UVSSA: variants seen among roughly 807,000 people sequenced by gnomAD.
UVSSA encodes the protein UV-stimulated scaffold protein A.
A neutral mutation model predicts 73.9 loss-of-function variants in UVSSA; 72 were observed. The ratio of observed to expected loss-of-function variants is 0.97; its 90% CI spans 0.81 to 1.19. The LOEUF (loss-of-function observed/expected upper bound fraction) is 1.19. Ranked by LOEUF, UVSSA falls within the 50% of genes most tolerant of loss-of-function variation. UVSSA has a pLI of 0.00. For synonymous variants in UVSSA, 454 were observed against 391.3 expected (o/e 1.16, Z -1.89); for missense variants, 1,150 against 965.0 (o/e 1.19, Z -2.54).
At chr4:1,394,937 A>C in exon 14 of UVSSA, 1 of 1,398,836 alleles carries the variant, frequency 7.1e-7, no homozygotes, top group East Asian at 2.7e-5. Context: ...ACACGTGCCC[A>C]TGCGGAGTGC....
chr4:1,349,578 C>G lies in UVSSA; in HGVS notation c.153C>G (p.Thr51=). Residue 51 remains threonine, a synonymous_variant, in exon 3 of 14, where the codon ACC becomes ACG. Transcript: ENST00000389851. ...ACCGCCTGCTGATAGCACAGCTGACCCAGGAGCACGCCGAGATCCGTCTCT... is the reference window on the plus strand; with the variant it reads ...ACCGCCTGCTGATAGCACAGCTGACGCAGGAGCACGCCGAGATCCGTCTCT... ...RAYRLLIAQL[T]QEHAEIRLSA... is the part of the protein sequence containing the mutation. The G allele has an allele frequency of 6.2e-7, 1 of 1,614,026 alleles. No homozygotes were observed. Among genetic ancestry groups the G allele is most frequent in the Non-Finnish European group, 8.5e-7 (1 of 1,180,016 alleles).
At chr4:1,354,638 C>A in intron 5 of UVSSA, 97 bp from the exon 6 acceptor site, 2 of 1,084,688 alleles carry the variant, frequency 1.8e-6, no homozygotes, top group Non-Finnish European at 2.7e-6. Flanking sequence ...AGGTTCCCCT[C>A]AGGCTAGAGC....
downstream of UVSSA, chr4:1,390,355 G>C (rs1369724603): frequency 6.6e-6 from 1 of 152,164 alleles, no homozygotes; most frequent in Admixed American, 6.5e-5. Context: ...CTGGAGTGCA[G>C]TGCAGTGATC....
At chr4:1,346,665 A>T (rs546584030), upstream of UVSSA, among the ~76,000 whole-genome samples, 3 of 151,856 alleles carry the variant, frequency 2.0e-5, no homozygotes, top group African/African-American at 7.3e-5. Context: ...GCGCGGGGCG[A>T]GCTCGGGGGC....
chr4:1,394,480 C>T (rs956026402), exon 14 of UVSSA: 2 of 1,611,028 alleles, frequency 1.2e-6, no homozygotes, highest in Admixed American at 3.3e-5. Context: ...TTTTAAATTT[C>T]AAATAGCTGT....
rs1560413829 is a variant in UVSSA at position 1,348,077 on chromosome 4, T to A, written c.-2-13T>A. ...AGATGGTGATATAGCATCTCTGCCT[T>A]ACTTATTTCTAGATATGGATCAGAA... is the stretch of plus-strand genomic sequence containing the variant. On this transcript the variant is annotated splice_polypyrimidine_tract_variant and intron_variant, in intron 1 of 13. Coordinates refer to ENST00000389851, the MANE Select transcript of UVSSA (RefSeq NM_020894.4). 1 of 1,597,116 alleles carries A rather than the reference T, an allele frequency of 6.3e-7. No homozygotes were observed. The highest frequency in any genetic ancestry group is 1.1e-5 in the South Asian group (1 of 90,692).
chr4:1,348,786 C>T (rs995922143), intron 2 of UVSSA, among the ~76,000 whole-genome samples: 6 of 152,204 alleles, frequency 3.9e-5, no homozygotes, highest in Admixed American at 6.5e-5. Flanking sequence ...TAGAAAATTT[C>T]AGGTCAGGTT....
chr4:1,394,283 A>T, exon 14 of UVSSA: 1 of 815,738 alleles, frequency 1.2e-6, no homozygotes, highest in Non-Finnish European at 1.9e-6. Context: ...TGAGTTATGT[A>T]GTTGAATTAT....
rs201486316 is a variant in UVSSA, at chr4:1,349,774, G to A, written c.349G>A (p.Val117Met). 87 of 1,606,084 alleles carry A rather than the reference G, an allele frequency of 5.4e-5. No homozygotes were observed. In the East Asian group the frequency reaches 1.0e-3, roughly 19 times the overall value. ...QRLRQATTRAVEGWNEKFGEA... is the reference protein window; with the variant it reads ...QRLRQATTRAMEGWNEKFGEA... The stretch of plus-strand genomic sequence containing the variant: ...GCTGAGGCAGGCGACCACCCGGGCC[G>A]TGGAAGGGTGGAATGAGAAGTTTGG... The change falls in exon 3 of 14, where the codon GTG becomes ATG. Residue 117 changes from valine to methionine, a missense_variant. Val to Met is a conservative substitution (Grantham distance 21). Transcript: ENST00000389851.
chr4:1,351,924 C>T (rs143574112), intron 4 of UVSSA, 89 bp downstream of exon 4: 24 of 1,551,174 alleles, frequency 1.5e-5, no homozygotes, highest in Middle Eastern at 2.2e-4. Flanking sequence ...GGGCCCCAGC[C>T]GCAAGGAACC....
At position 1,348,144 on chromosome 4, in the gene UVSSA, C is replaced by A. The variant is rs960368034; in HGVS notation, c.53C>A (p.Pro18His). The change falls in exon 2 of 14, where the codon CCC becomes CAC. Residue 18 changes from proline to histidine, a missense_variant. Pro to His is a moderately conservative substitution (Grantham distance 77). Coordinates refer to ENST00000389851, the MANE Select transcript of UVSSA (RefSeq NM_020894.4). ...GAAGAGCTCACAACTTCAGGAGAAC[C>A]CCGACTAAATCCTGAGAAAATGAAG... Reference protein sequence around the residue: ...LVEELTTSGEPRLNPEKMKEL... With the variant: ...LVEELTTSGEHRLNPEKMKEL... 5 of 1,613,714 alleles carry A rather than the reference C, an allele frequency of 3.1e-6. No individual in the cohort carries two copies. The highest frequency in any genetic ancestry group is 4.2e-6 in the Non-Finnish European group (5 of 1,179,988).
chr4:1,372,271 G>A (rs1171802641), intron 8 of UVSSA, among the ~76,000 whole-genome samples: 2 of 152,136 alleles, frequency 1.3e-5, no homozygotes, highest in African/African-American at 4.8e-5. Context: ...CTGTTAATCT[G>A]AATCTGTTTA....
intron 7 of UVSSA, among the ~76,000 whole-genome samples, chr4:1,355,735 G>T (rs1483049246): frequency 6.6e-6 from 1 of 152,182 alleles, no homozygotes; most frequent in African/African-American, 2.4e-5. Flanking sequence ...GGTCATGGGG[G>T]CACTGCACTT....
chr4:1,394,651 A>G lies in UVSSA; in HGVS notation c.*8690A>G, dbSNP rs1393346467. 1.7e-5 allele frequency: 25 copies of G among 1,506,662 alleles called. No individual in the cohort carries two copies. The highest frequency in any genetic ancestry group is 2.2e-5 in the Non-Finnish European group (25 of 1,117,032). 93.3% of individuals were successfully genotyped at this position (1,506,662 alleles called of 1,614,324 possible). A position where few individuals can be genotyped will look rare whatever the true frequency, so the allele number is the denominator to read the frequency against. On this transcript the variant is annotated 3_prime_UTR_variant, in exon 14 of 14. Coordinates refer to the UVSSA transcript ENST00000511216. ...CGATGCGGAGTGCCCGCCTGCTCAC[A>G]CATGCCCATGTGGAGTGCCCGCCTG...
intron 4 of UVSSA, among the ~76,000 whole-genome samples, chr4:1,352,334 C>T (rs891633801): frequency 6.6e-6 from 1 of 152,234 alleles, no homozygotes; most frequent in African/African-American, 2.4e-5. Context: ...ACTACATGTA[C>T]CCCAGATCCT....
chr4:1,385,067 G>A (rs1719931357), intron 13 of UVSSA: 1 of 152,328 alleles, frequency 6.6e-6, no homozygotes, highest in Non-Finnish European at 1.5e-5. Context: ...CAGCCTTGGT[G>A]CTGATGCCCA....
chr4:1,366,237 G>A (rs1300104005), intron 7 of UVSSA, 83 bp from the exon 8 acceptor site: 5 of 1,099,492 alleles, frequency 4.5e-6, no homozygotes, highest in Non-Finnish European at 6.6e-6. Flanking sequence ...CAAGAAATAG[G>A]AATTTCCAGG....
At chr4:1,355,539 C>T (rs556139195) in intron 7 of UVSSA, among the ~76,000 whole-genome samples, 2 of 152,266 alleles carry the variant, frequency 1.3e-5, no homozygotes, top group South Asian at 2.1e-4. Flanking sequence ...GTCAGGCTGT[C>T]CCCCCCGTGA....
intron 12 of UVSSA, among the ~76,000 whole-genome samples, chr4:1,382,692 A>G (rs1334358951): frequency 1.3e-5 from 2 of 152,196 alleles, no homozygotes; most frequent in African/African-American, 2.4e-5. Flanking sequence ...TCTTGGATTA[A>G]TCGTTCCTGT....
Sources: allele counts gnomAD v4.1 joint callset (sites outside exome capture counted in the v4.1 genomes callset), GRCh38; gene constraint gnomAD v4.1.1; transcripts MANE v1.5; gene names NCBI Gene and HGNC (gene_info 2026-07-23, HGNC 2026-07-21).